The following CEP290 variants were observed in gnomAD, a reference collection of about 807,000 sequenced individuals.
CEP290 encodes centrosomal protein of 290 kDa.
CEP290 carries 317 observed loss-of-function variants against 344.9 expected under a neutral mutation model. The ratio of observed to expected loss-of-function variants is 0.92; its 90% CI spans 0.84 to 1.01. The LOEUF (loss-of-function observed/expected upper bound fraction) is 1.01, where lower values mean the gene tolerates loss of function less well. Among genes scored for constraint, CEP290 ranks in the 50% least tolerant of loss-of-function variants. The probability of loss-of-function intolerance (pLI) is 0.00; values close to 1 mark genes in which losing one functional copy is unlikely to be tolerated. For missense variants in CEP290, 2,754 were observed against 2,761.4 expected, an observed-to-expected ratio of 1.00 and a Z score of 0.06; for synonymous variants, 932 against 895.8, an observed-to-expected ratio of 1.04 and a Z score of -0.72.
chr12:88,086,584 C>A (rs1005547629), intron 32 of CEP290, 86 bp from the exon 33 acceptor site: 4 of 829,530 alleles, frequency 4.8e-6, no homozygotes, highest in African/African-American at 3.5e-5. Flanking sequence ...CTTATCTAAT[C>A]CTCACAACAC....
chr12:88,108,150 A>T (rs1423300303), intron 23 of CEP290, among the ~76,000 whole-genome samples: 1 of 152,118 alleles, frequency 6.6e-6, no homozygotes, highest in Admixed American at 6.6e-5. Context: ...GTTGTGTAAG[A>T]CACTGTTGTC....
chr12:88,069,884 ATCATTTGTAAATGC>A (rs2035234845), intron 43 of CEP290, among the ~76,000 whole-genome samples: 1 of 152,234 alleles, frequency 6.6e-6, no homozygotes, highest in African/African-American at 2.4e-5. Context: ...ATGATCACAG[ATCATTTGTAAATGC>A]AAAGAAGAAG....
intron 46 of CEP290, among the ~76,000 whole-genome samples, chr12:88,062,423 A>G (rs1347527729): frequency 6.6e-6 from 1 of 152,188 alleles, no homozygotes; most frequent in Non-Finnish European, 1.5e-5. Flanking sequence ...ACCTCCATAA[A>G]CAAAAGGATT....
chr12:88,089,699 C>T (rs1391493266), intron 30 of CEP290, among the ~76,000 whole-genome samples: 8 of 150,628 alleles, frequency 5.3e-5, no homozygotes, highest in Non-Finnish European at 1.2e-4. Context: ...CCAAATGTAA[C>T]TGAATAACAG....
chr12:88,055,615 TTCTC>T lies in CEP290; in HGVS notation c.6917_6920del (p.Arg2306AsnfsTer40), dbSNP rs1177923180. The T allele has an allele frequency of 1.3e-6, 2 of 1,579,302 alleles. No homozygotes were observed. Among genetic ancestry groups the T allele is most frequent in the Non-Finnish European group, 1.7e-6 (2 of 1,162,472 alleles). On this transcript the variant is annotated frameshift_variant, in exon 50 of 54. Transcript: ENST00000552810. LOFTEE classifies it high-confidence loss of function. ...CTTCATTGTATTTGTTAACTTTTTG[TTCTC>T]TCTCTGTTGCTTCTTTTACAAGCTG...
chr12:88,099,382 GT>G (rs2037701166), intron 26 of CEP290, among the ~76,000 whole-genome samples: 1 of 152,148 alleles, frequency 6.6e-6, no homozygotes, highest in Admixed American at 6.5e-5. Context: ...TGTAAAGTAG[GT>G]AATTCTGTAC....
intron 44 of CEP290, among the ~76,000 whole-genome samples, chr12:88,064,846 G>A (rs951795810): frequency 2.0e-5 from 3 of 152,082 alleles, no homozygotes; most frequent in Non-Finnish European, 4.4e-5. Flanking sequence ...CAAATCTGTA[G>A]TAGTCTGTTA....
chr12:88,071,525 C>A (rs983266689), intron 42 of CEP290, 76 bp from the exon 43 acceptor site: 3 of 1,231,692 alleles, frequency 2.4e-6, no homozygotes, highest in Non-Finnish European at 3.4e-6. Flanking sequence ...ATTACCAAAC[C>A]AAATTACAAT....
chr12:88,105,092 C>A (rs1220659783), intron 25 of CEP290, among the ~76,000 whole-genome samples: 1 of 152,172 alleles, frequency 6.6e-6, no homozygotes, highest in Non-Finnish European at 1.5e-5. Context: ...GCCTTCCCCA[C>A]TAAAAGGAAC....
At chr12:88,122,716 A>G (rs2039481771) in intron 13 of CEP290, among the ~76,000 whole-genome samples, 1 of 152,168 alleles carries the variant, frequency 6.6e-6, no homozygotes. Flanking sequence ...CACAATCCAT[A>G]CTATTAGTCA....
Position 88,118,744 on chromosome 12 carries a change from C to A in CEP290, c.1523-1G>T, listed in dbSNP as rs1192112844. The A allele has an allele frequency of 6.3e-7, 1 of 1,598,204 alleles. No homozygotes were observed. Among genetic ancestry groups the A allele is most frequent in the South Asian group, 1.1e-5 (1 of 88,698 alleles). On this transcript the variant is annotated splice_acceptor_variant, in intron 15 of 53. Transcript: ENST00000552810. LOFTEE classifies it high-confidence loss of function. Reference sequence around the variant, plus strand: ...TCAATCATTGTCTTTGGTTCAAGGCCTACAATAGAAAGCAATATAATTAAA... The same window carrying A: ...TCAATCATTGTCTTTGGTTCAAGGCATACAATAGAAAGCAATATAATTAAA...
rs1424046447 is a variant in CEP290, at chr12:88,089,114, T to C, written c.3947A>G (p.Asn1316Ser). 4 of 1,575,726 alleles carry C rather than the reference T, an allele frequency of 2.5e-6. No homozygotes were observed. In the African/African-American group the frequency reaches 4.1e-5, roughly 16 times the overall value. ...TTTTAATTCCATCTCCAATGTTTTG[T>C]TCTCCATATTTCTATGTTCTTGTTG... ...NSQQEHRNMENKTLEMELKLK... is the reference protein window; with the variant it reads ...NSQQEHRNMESKTLEMELKLK... Residue 1316 changes from asparagine to serine, a missense_variant, in exon 31 of 54, where the codon AAC (asparagine) becomes AGC (serine). Physicochemically the swap from Asn to Ser is conservative, Grantham distance 46. Coordinates refer to ENST00000552810, the MANE Select transcript of CEP290 (RefSeq NM_025114.4).
At position 88,089,166 on chromosome 12, in the gene CEP290, T is replaced by TA. The variant is rs761907569; in HGVS notation, c.3894dup (p.Lys1299Ter). The TA allele has an allele frequency of 3.7e-6, 6 of 1,611,878 alleles. No individual in the cohort carries two copies. Among genetic ancestry groups the TA allele is most frequent in the Non-Finnish European group, 5.1e-6 (6 of 1,179,088 alleles). ...GAATTTTTCATTTCTTGCATTATCT[T>TA]AAGTTTGTCATTTTGTAGTTGAATC... is the stretch of plus-strand genomic sequence containing the variant. On this transcript the variant is annotated frameshift_variant, in exon 31 of 54. Coordinates refer to ENST00000552810, the MANE Select transcript of CEP290 (RefSeq NM_025114.4). LOFTEE classifies it high-confidence loss of function.
rs114632733 is a variant in CEP290, at chr12:88,106,897, G to A, written c.2595C>T (p.Leu865=). The A allele has an allele frequency of 7.4e-5, 118 of 1,602,990 alleles. 1 individual carries two copies. In the African/African-American group the frequency reaches 1.5e-3, roughly 20 times the overall value. The change falls in exon 25 of 54, where the codon CTC becomes CTT. Residue 865 remains leucine (L), a synonymous_variant. Transcript: ENST00000552810. ...CATCCGAATCCATCTGAAGAGCATT[G>A]AGCAAATTCTGCACAAAGACACATC... ...AIKVKEYNNL[L]NALQMDSDEM...
intron 6 of CEP290, among the ~76,000 whole-genome samples, chr12:88,135,034 G>A (rs1009970186): frequency 3.3e-5 from 5 of 152,100 alleles, no homozygotes; most frequent in Non-Finnish European, 7.4e-5. Flanking sequence ...ATGACCTTAT[G>A]TATCTCCCTA....
chr12:88,049,263 A>G lies in CEP290; in HGVS notation c.7361T>C (p.Val2454Ala). 1 of 1,609,894 alleles carries G rather than the reference A, an allele frequency of 6.2e-7. No individual in the cohort carries two copies. The highest frequency in any genetic ancestry group is 8.5e-7 in the Non-Finnish European group (1 of 1,178,590). ...KVKKLSEQLG[V>A]ELTSPVAASE... ...AGCAGCAACAGGGCTAGTTAATTCA[A>G]CTCCCAATTGTTCTGAAAGTTTTTT... is the stretch of plus-strand genomic sequence containing the variant. Residue 2454 changes from valine (V) to alanine (A), a missense_variant, in exon 54 of 54, where the codon GTT (valine) becomes GCT (alanine). Val to Ala is a moderately conservative substitution (Grantham distance 64). Transcript: ENST00000552810.
At chr12:88,052,566 T>C (rs1264349349) in intron 52 of CEP290, among the ~76,000 whole-genome samples, 1 of 152,160 alleles carries the variant, frequency 6.6e-6, no homozygotes, top group Non-Finnish European at 1.5e-5. Flanking sequence ...TTTTGGTCTA[T>C]AAAGTTAGCC....
chr12:88,134,283 C>T (rs1045545751), intron 6 of CEP290, among the ~76,000 whole-genome samples: 3 of 152,210 alleles, frequency 2.0e-5, no homozygotes, highest in African/African-American at 7.2e-5. Context: ...CTCCAACAAC[C>T]AATTACATTC....
intron 20 of CEP290, 23 bp from the exon 21 acceptor site, chr12:88,111,881 T>C: frequency 1.4e-6 from 2 of 1,447,378 alleles, no homozygotes; most frequent in East Asian, 2.7e-5. Flanking sequence ...TATTATATAT[T>C]AGAAATGTGG....
Sources: gnomAD v4.1 joint callset for allele counts (sites outside exome capture counted in the v4.1 genomes callset) on GRCh38, gnomAD v4.1.1 for gene constraint, MANE v1.5 for transcripts, NCBI Gene and HGNC (gene_info 2026-07-23, HGNC 2026-07-21) for gene names.